Variants in PPIL6 observed in about 807,000 individuals in gnomAD.
PPIL6 encodes the protein probable inactive peptidyl-prolyl cis-trans isomerase-like 6.
A neutral mutation model predicts 36.8 loss-of-function variants in PPIL6; 39 were observed. The ratio of observed to expected loss-of-function variants is 1.06; its 90% CI spans 0.82 to 1.38. PPIL6 has a LOEUF of 1.38. Ranked by LOEUF, PPIL6 falls within the 40% of genes most tolerant of loss-of-function variation. The probability of loss-of-function intolerance (pLI) is 0.00; values close to 1 mark genes in which losing one functional copy is unlikely to be tolerated. For missense variants in PPIL6, 368 were observed against 379.1 expected (o/e 0.97, Z 0.24); for synonymous variants, 123 against 134.1 (o/e 0.92, Z 0.57).
In PPIL6 at chr6:109,400,062, T is replaced by C. The variant is rs772858129; in HGVS notation, c.797A>G (p.Tyr266Cys). The change falls in exon 7 of 8, where the codon TAT becomes TGT. Residue 266 changes from tyrosine to cysteine, a missense_variant. Tyr to Cys is a radical substitution (Grantham distance 194). Transcript: ENST00000521072. ...QFYITLQATP[Y>C]LDRKFVAFGQ... ...AAAAGCCACAAATTTTCTATCTAGA[T>C]AAGGAGTTGCTTGCAGTGTGATATA... The C allele has an allele frequency of 6.2e-7, 1 of 1,613,282 alleles. No individual in the cohort carries two copies. The highest frequency in any genetic ancestry group is 2.2e-5 in the East Asian group (1 of 44,854).
At chr6:109,398,979 G>A (rs769355797) in intron 7 of PPIL6, among the ~76,000 whole-genome samples, 11 of 152,024 alleles carry the variant, frequency 7.2e-5, no homozygotes, top group Non-Finnish European at 1.3e-4. Context: ...GTCTCATTCT[G>A]TTGCCCAGGC....
At chr6:109,410,677 T>G (rs1354907960) in intron 6 of PPIL6, among the ~76,000 whole-genome samples, 1 of 152,210 alleles carries the variant, frequency 6.6e-6, no homozygotes, top group Non-Finnish European at 1.5e-5. Flanking sequence ...TTCACTGTTG[T>G]GTTCATGACA....
intron 5 of PPIL6, among the ~76,000 whole-genome samples, chr6:109,423,330 T>A (rs9480955): frequency 0.45 from 69,054 of 151,960 alleles, 16,946 homozygotes; most frequent in African/African-American, 0.67. Context: ...TGGTGCCACG[T>A]AATCCAGCCT....
chr6:109,439,510 C>A (rs1226228325), intron 1 of PPIL6, among the ~76,000 whole-genome samples: 1 of 152,194 alleles, frequency 6.6e-6, no homozygotes, highest in Non-Finnish European at 1.5e-5. Flanking sequence ...AGACCGCCAC[C>A]ACGCCCGGCT....
At chr6:109,407,539 T>C (rs1417605025) in intron 6 of PPIL6, among the ~76,000 whole-genome samples, 1 of 152,216 alleles carries the variant, frequency 6.6e-6, no homozygotes, top group Non-Finnish European at 1.5e-5. Context: ...GCCAGGACTA[T>C]GGAATATTCT....
rs931093079 is a variant in PPIL6, at chr6:109,440,436, G to A, written c.135+20C>T. ...GGTAGCGGGGAGGGCCGCCCACGAC[G>A]GAGGTTTCTCTGTGGTTACCTCAGC... On this transcript the variant is annotated intron_variant, in intron 1 of 7. Coordinates refer to ENST00000521072, the MANE Select transcript of PPIL6 (RefSeq NM_173672.5). 3 of 1,538,648 alleles carry A rather than the reference G, an allele frequency of 1.9e-6. No homozygotes were observed. Among genetic ancestry groups the A allele is most frequent in the Non-Finnish European group, 2.6e-6 (3 of 1,140,636 alleles).
chr6:109,440,183 T>C (rs1774730366), intron 1 of PPIL6: 2 of 536,472 alleles, frequency 3.7e-6, no homozygotes, highest in South Asian at 1.5e-5. Flanking sequence ...GGGATTACCT[T>C]ATCTCCCAGC....
At chr6:109,440,965 G>C (rs866461699), upstream of PPIL6, 2 of 675,864 alleles carry the variant, frequency 3.0e-6, no homozygotes, top group African/African-American at 1.9e-5. Context: ...CGCGGGAGTC[G>C]GGCCCGACCT....
Position 109,436,180 on chromosome 6 carries a change from G to T in PPIL6, c.155C>A (p.Pro52Gln). The T allele has an allele frequency of 6.4e-7, 1 of 1,555,596 alleles. No homozygotes were observed. The highest frequency in any genetic ancestry group is 8.9e-7 in the Non-Finnish European group (1 of 1,127,884). Residue 52 changes from proline to glutamine, a missense_variant, in exon 2 of 8, where the codon CCA (proline) becomes CAA (glutamine). Physicochemically the swap from Pro to Gln is moderately conservative, Grantham distance 76. Coordinates refer to ENST00000521072, the MANE Select transcript of PPIL6 (RefSeq NM_173672.5). ...TAATATAGGATCTTCAAATTTGGAT[G>T]GATGATTATTCTTCAGATTCTGGAT... ...SAAENLKNNH[P>Q]SKFEDPILVP...
intron 6 of PPIL6, among the ~76,000 whole-genome samples, chr6:109,412,372 A>G (rs1379274116): frequency 6.6e-6 from 1 of 152,234 alleles, no homozygotes; most frequent in African/African-American, 2.4e-5. Flanking sequence ...GACATTCTTC[A>G]TGGAAATAGA....
intron 6 of PPIL6, among the ~76,000 whole-genome samples, chr6:109,409,029 A>C (rs551359347): frequency 6.6e-5 from 10 of 152,362 alleles, no homozygotes; most frequent in African/African-American, 2.4e-4. Context: ...ATCATGACCA[A>C]GCAGGACTTA....
intron 6 of PPIL6, among the ~76,000 whole-genome samples, chr6:109,406,071 T>G (rs1323024063): frequency 6.6e-6 from 1 of 151,942 alleles, no homozygotes; most frequent in Non-Finnish European, 1.5e-5. Context: ...AGGGTCTCAG[T>G]CTGTCACCCA....
rs3757235 is a variant in PPIL6, at chr6:109,390,638, C to A, written c.*2188G>T. ...GGAGTGGGTTGACTGTAAAGGGGTA[C>A]TGGAAGGGGGTCTTTGAGGTGCTGG... is the stretch of plus-strand genomic sequence containing the variant. On this transcript the variant is annotated 3_prime_UTR_variant, in exon 8 of 8. Transcript: ENST00000521072. The A allele has an allele frequency of 0.52, 79,476 of 152,042 alleles. 21,909 individuals are homozygous for A. Among genetic ancestry groups the A allele is most frequent in the African/African-American group, 0.71 (29,534 of 41,450 alleles). The allele number at this position is 152,042 out of a possible 1,614,324, so 9.4% of individuals were successfully genotyped here.
At chr6:109,441,002 G>A (rs1774841546), upstream of PPIL6, 2 of 1,021,438 alleles carry the variant, frequency 2.0e-6, no homozygotes, top group African/African-American at 1.6e-5. Context: ...GTGCCCACCT[G>A]TGCGCGCCGC....
chr6:109,436,824 G>A (rs1774476572), intron 1 of PPIL6, among the ~76,000 whole-genome samples: 1 of 152,194 alleles, frequency 6.6e-6, no homozygotes, highest in Admixed American at 6.5e-5. Flanking sequence ...GCTGAATAAA[G>A]AGAGGAATAC....
At chr6:109,435,663 G>A (rs538283070) in intron 2 of PPIL6, among the ~76,000 whole-genome samples, 1 of 151,828 alleles carries the variant, frequency 6.6e-6, no homozygotes, top group African/African-American at 2.4e-5. Context: ...AGTGACTCAC[G>A]CCTGTAATCC....
intron 6 of PPIL6, among the ~76,000 whole-genome samples, chr6:109,406,928 T>C (rs1175526426): frequency 6.6e-6 from 1 of 152,188 alleles, no homozygotes; most frequent in East Asian, 1.9e-4. Flanking sequence ...ACCCCAGTAA[T>C]CTTTCAGAAA....
At position 109,440,437 on chromosome 6, in the gene PPIL6, G is replaced by T. The variant is rs1308574885; in HGVS notation, c.135+19C>A. On this transcript the variant is annotated intron_variant, in intron 1 of 7. Transcript: ENST00000521072. ...GTAGCGGGGAGGGCCGCCCACGACG[G>T]AGGTTTCTCTGTGGTTACCTCAGCG... 6.5e-6 allele frequency: 10 copies of T among 1,538,884 alleles called. No individual in the cohort carries two copies. Among genetic ancestry groups the T allele is most frequent in the Non-Finnish European group, 7.9e-6 (9 of 1,140,748 alleles).
chr6:109,440,417 G>A (rs770952540), intron 1 of PPIL6, 39 bp downstream of exon 1: 25 of 1,532,160 alleles, frequency 1.6e-5, no homozygotes, highest in East Asian at 1.0e-4. Flanking sequence ...AGCGGGTAGC[G>A]GGGAGGGCCG....
Sources: allele counts gnomAD v4.1 joint callset (sites outside exome capture counted in the v4.1 genomes callset), GRCh38; gene constraint gnomAD v4.1.1; transcripts MANE v1.5; gene names NCBI Gene and HGNC (gene_info 2026-07-23, HGNC 2026-07-21).